CWC27: variants seen among roughly 807,000 people sequenced by gnomAD.
CWC27 encodes spliceosome-associated protein CWC27 homolog.
A neutral mutation model predicts 63.6 loss-of-function variants in CWC27; 47 were observed. The ratio of observed to expected loss-of-function variants is 0.74; its 90% confidence interval spans 0.58 to 0.94. The LOEUF (loss-of-function observed/expected upper bound fraction) is 0.94. Ranked by LOEUF, CWC27 falls within the 40% of genes least tolerant of loss-of-function variation. CWC27 has a pLI of 0.00. For missense variants in CWC27, 495 were observed against 554.3 expected, an observed-to-expected ratio of 0.89 and a Z score of 1.07; for synonymous variants, 175 against 179.8, an observed-to-expected ratio of 0.97 and a Z score of 0.22.
intron 8 of CWC27, among the ~76,000 whole-genome samples, 182 bp downstream of exon 8, chr5:64,800,509 C>T (rs747273446): frequency 6.6e-6 from 1 of 152,162 alleles, no homozygotes; most frequent in African/African-American, 2.4e-5. Flanking sequence ...AACAAACGCT[C>T]TAGTCACTTT....
At chr5:64,849,754 T>TA (rs1359603792) in intron 10 of CWC27, among the ~76,000 whole-genome samples, 1 of 152,128 alleles carries the variant, frequency 6.6e-6, no homozygotes, top group Non-Finnish European at 1.5e-5. Context: ...GTTCTCGTGA[T>TA]AGTGAGTTCT....
At chr5:64,772,687 C>T (rs1455222602) in intron 1 of CWC27, among the ~76,000 whole-genome samples, 8 of 148,306 alleles carry the variant, frequency 5.4e-5, no homozygotes, top group Non-Finnish European at 1.0e-4. Flanking sequence ...CCTGTAATCC[C>T]AGCACTTTGG....
At chr5:64,879,668 TA>T (rs1205855320) in intron 10 of CWC27, among the ~76,000 whole-genome samples, 4 of 151,794 alleles carry the variant, frequency 2.6e-5, no homozygotes, top group Non-Finnish European at 5.9e-5. Context: ...AATTTGTGAT[TA>T]GGGGGTCATA....
intron 10 of CWC27, among the ~76,000 whole-genome samples, chr5:64,840,498 A>G (rs895593633): frequency 3.5e-4 from 52 of 146,770 alleles, no homozygotes; most frequent in South Asian, 4.5e-4. Flanking sequence ...TTCTATCTGC[A>G]TAGAACTCTT....
At chr5:64,853,777 C>T (rs984424344) in intron 10 of CWC27, among the ~76,000 whole-genome samples, 2 of 152,164 alleles carry the variant, frequency 1.3e-5, no homozygotes, top group Admixed American at 6.5e-5. Context: ...GACCCAAACA[C>T]CTCCCACCAG....
intron 13 of CWC27, among the ~76,000 whole-genome samples, chr5:65,007,626 C>CT (rs57750177): frequency 9.2e-5 from 10 of 108,168 alleles, no homozygotes; most frequent in Non-Finnish European, 1.5e-4. Context: ...TCATCATTTT[C>CT]TTTTTTTTTT....
chr5:65,000,898 C>G (rs1199618753), intron 13 of CWC27, among the ~76,000 whole-genome samples: 1 of 151,926 alleles, frequency 6.6e-6, no homozygotes. Context: ...TGCATTGACT[C>G]TGTAGATTGT....
chr5:64,840,918 G>A (rs1745818108), intron 10 of CWC27, among the ~76,000 whole-genome samples: 3 of 152,180 alleles, frequency 2.0e-5, no homozygotes, highest in Admixed American at 2.0e-4. Context: ...TTGACAGGAT[G>A]TGGGGACTGA....
rs763371012 is a variant in CWC27, at chr5:64,783,840, A to G, written c.257A>G (p.Glu86Gly). ...CTAAATCTTTTTACATTTCAGGATG[A>G]ATTTCATTCACGGTTGCGTTTTAAT... ...ESIYGAPFKD[E>G]FHSRLRFNRR... is the part of the protein sequence containing the mutation. The change falls in exon 4 of 14, where the codon GAA becomes GGA. Residue 86 changes from glutamate (E) to glycine (G), a missense_variant. This residue lies in a region of CWC27 where 463 missense variants were observed against 498.1 expected (regional missense o/e 0.93). Coordinates refer to ENST00000381070, the MANE Select transcript of CWC27 (RefSeq NM_005869.4). The G allele has an allele frequency of 2.5e-6, 4 of 1,571,084 alleles. No homozygotes were observed. The highest frequency in any genetic ancestry group is 3.4e-6 in the Non-Finnish European group (4 of 1,161,516).
intron 13 of CWC27, among the ~76,000 whole-genome samples, chr5:65,017,027 A>C (rs1292360832): frequency 6.6e-6 from 1 of 152,202 alleles, no homozygotes; most frequent in Non-Finnish European, 1.5e-5. Context: ...ATTTGTATGA[A>C]AATTGAACTT....
intron 11 of CWC27, among the ~76,000 whole-genome samples, chr5:64,895,979 G>T (rs1389726287): frequency 6.6e-6 from 1 of 152,086 alleles, no homozygotes; most frequent in African/African-American, 2.4e-5. Flanking sequence ...TTAGAGAGAT[G>T]ATACTGAGTG....
At chr5:64,992,532 A>C (rs1435818190) in intron 13 of CWC27, among the ~76,000 whole-genome samples, 3 of 139,200 alleles carry the variant, frequency 2.2e-5, no homozygotes, top group Non-Finnish European at 4.8e-5. Flanking sequence ...TACTTTCTAC[A>C]CTTTTTTTTT....
At chr5:64,797,782 T>TA (rs1744332740) in intron 7 of CWC27, among the ~76,000 whole-genome samples, 1 of 152,160 alleles carries the variant, frequency 6.6e-6, no homozygotes, top group Non-Finnish European at 1.5e-5. Flanking sequence ...GAACCCATTT[T>TA]AAAAATATAT....
intron 10 of CWC27, among the ~76,000 whole-genome samples, chr5:64,857,774 G>A (rs377629592): frequency 1.3e-5 from 2 of 152,270 alleles, no homozygotes; most frequent in East Asian, 3.9e-4. Flanking sequence ...TTCAGTATCA[G>A]TTGCACTTTA....
intron 2 of CWC27, among the ~76,000 whole-genome samples, chr5:64,780,559 CAA>C (rs932595542): frequency 1.2e-4 from 18 of 147,720 alleles, no homozygotes; most frequent in Non-Finnish European, 2.2e-4. Context: ...ATATATCAAA[CAA>C]TATATATCAA....
rs147540109 is a variant in CWC27, at chr5:64,800,311, G to T, written c.733G>T (p.Val245Phe). The T allele has an allele frequency of 6.2e-7, 1 of 1,610,072 alleles. No homozygotes were observed. Among genetic ancestry groups the T allele is most frequent in the Non-Finnish European group, 8.5e-7 (1 of 1,177,672 alleles). The change falls in exon 8 of 14, where the codon GTT becomes TTT. Residue 245 changes from valine (V) to phenylalanine (F), a missense_variant. This residue lies in a region of CWC27 where 463 missense variants were observed against 498.1 expected (regional missense o/e 0.93). Transcript: ENST00000381070. Reference sequence around the variant, plus strand: ...TAAGGATGATCCACATCTCAGTTCTGTTCCAGTTGTAGAAAGGTTAGTCCA... The same window carrying T: ...TAAGGATGATCCACATCTCAGTTCTTTTCCAGTTGTAGAAAGGTTAGTCCA... ...LLKDDPHLSS[V>F]PVVESEKGDA...
At chr5:64,802,818 T>C (rs1744533863) in intron 9 of CWC27, among the ~76,000 whole-genome samples, 1 of 152,176 alleles carries the variant, frequency 6.6e-6, no homozygotes, top group Admixed American at 6.6e-5. Flanking sequence ...CTGTGTAACA[T>C]AATATGGGTC....
chr5:64,801,881 T>C (rs1744502047), intron 9 of CWC27, among the ~76,000 whole-genome samples: 1 of 152,226 alleles, frequency 6.6e-6, no homozygotes, highest in South Asian at 2.1e-4. Context: ...CCACTTTTTA[T>C]ATAAAAACCC....
chr5:64,872,472 A>G (rs953557820), intron 10 of CWC27, among the ~76,000 whole-genome samples: 1 of 152,196 alleles, frequency 6.6e-6, no homozygotes, highest in Non-Finnish European at 1.5e-5. Context: ...AAGCTTTATG[A>G]TATCCTAGAA....
Sources: allele counts gnomAD v4.1 joint callset (sites outside exome capture counted in the v4.1 genomes callset), GRCh38; gene constraint gnomAD v4.1.1; regional missense constraint gnomAD v4.1.1; transcripts MANE v1.5; gene names NCBI Gene and HGNC (gene_info 2026-07-23, HGNC 2026-07-21).